Variants in GFRA1 observed in about 807,000 individuals in gnomAD.
GFRA1 encodes the protein GDNF family receptor alpha 1.
A neutral mutation model predicts 51.6 loss-of-function variants in GFRA1; 16 were observed. That is an observed-to-expected ratio of 0.31 (90% CI 0.21 to 0.47). The LOEUF (loss-of-function observed/expected upper bound fraction) is 0.47, where lower values mean the gene tolerates loss of function less well. GFRA1 is among the 20% of genes least tolerant of loss of function. The pLI is 1.00. For missense variants in GFRA1, 530 were observed against 594.3 expected, an observed-to-expected ratio of 0.89 and a Z score of 1.13; for synonymous variants, 270 against 241.3, an observed-to-expected ratio of 1.12 and a Z score of -1.10.
chr10:116,144,200 A>G (rs1189410763), intron 5 of GFRA1, among the ~76,000 whole-genome samples: 1 of 152,224 alleles, frequency 6.6e-6, no homozygotes, highest in African/African-American at 2.4e-5. Context: ...TAAGTTCATT[A>G]ATGAGATAGA....
At chr10:116,188,274 C>A (rs566590212) in intron 5 of GFRA1, among the ~76,000 whole-genome samples, 25 of 152,272 alleles carry the variant, frequency 1.6e-4, no homozygotes, top group African/African-American at 6.0e-4. Flanking sequence ...GGAATGAGGA[C>A]CTGCGTCCCT....
intron 6 of GFRA1, among the ~76,000 whole-genome samples, chr10:116,113,894 C>T (rs959212328): frequency 3.9e-5 from 6 of 152,206 alleles, no homozygotes; most frequent in South Asian, 2.1e-4. Flanking sequence ...ATGCCAAGTA[C>T]GTGTTGCTCG....
Position 116,236,165 on chromosome 10 carries a change from C to A in GFRA1, c.419-24520G>T, listed in dbSNP as rs139092641. On this transcript the variant is annotated intron_variant, in intron 4 of 10. Coordinates refer to ENST00000355422, the MANE Select transcript of GFRA1 (RefSeq NM_005264.8). The stretch of plus-strand genomic sequence containing the variant: ...ATAACCAACTGGCCCTGAACATGGA[C>A]AACCCCTAGTGCCCTCTGAGGATAA... Among the ~76,000 whole-genome samples, 456 of 152,274 alleles carry A rather than the reference C, an allele frequency of 3.0e-3. 1 individual carries two copies. Among genetic ancestry groups the A allele is most frequent in the Middle Eastern group, 6.8e-3 (2 of 294 alleles).
At chr10:116,217,653 G>C (rs1477100498) in intron 4 of GFRA1, among the ~76,000 whole-genome samples, 1 of 152,166 alleles carries the variant, frequency 6.6e-6, no homozygotes, top group Non-Finnish European at 1.5e-5. Flanking sequence ...TAGAAACAGG[G>C]TCATAAAAAC....
At chr10:116,128,643 G>A (rs925410787) in intron 5 of GFRA1, among the ~76,000 whole-genome samples, 4 of 148,490 alleles carry the variant, frequency 2.7e-5, no homozygotes, top group East Asian at 4.0e-4. Context: ...GGAGAATGGC[G>A]TGAACCTGGG....
At chr10:116,118,213 G>A (rs544084326) in intron 6 of GFRA1, among the ~76,000 whole-genome samples, 2 of 152,254 alleles carry the variant, frequency 1.3e-5, no homozygotes, top group African/African-American at 2.4e-5. Context: ...CCAAATTCCT[G>A]TCCTGTTCTT....
intron 9 of GFRA1, among the ~76,000 whole-genome samples, chr10:116,078,079 G>C (rs989944173): frequency 6.6e-5 from 10 of 152,166 alleles, no homozygotes; most frequent in Non-Finnish European, 1.0e-4. Context: ...TCAATCATAA[G>C]GCCTGGCCCC....
At position 116,096,688 on chromosome 10, in the gene GFRA1, C is replaced by T. The variant is rs772569674; in HGVS notation, c.847G>A (p.Ala283Thr). Reference sequence around the variant, plus strand: ...CCCGAGTAGGCGAGGAGGCAGTCAGCGTAGTTTTCCTTTAGACAGCTGCTG... The same window carrying T: ...CCCGAGTAGGCGAGGAGGCAGTCAGTGTAGTTTTCCTTTAGACAGCTGCTG... Reference protein sequence around the residue: ...SVSSCLKENYADCLLAYSGLI... With the variant: ...SVSSCLKENYTDCLLAYSGLI... The change falls in exon 7 of 11, where the codon GCT (alanine) becomes ACT (threonine). Residue 283 changes from alanine to threonine, a missense_variant. By Grantham distance (58) the Ala-to-Thr change is moderately conservative (BLOSUM62 0). Coordinates refer to ENST00000355422, the MANE Select transcript of GFRA1 (RefSeq NM_005264.8). The T allele has an allele frequency of 1.2e-5, 19 of 1,609,754 alleles. No homozygotes were observed. The highest frequency in any genetic ancestry group is 2.7e-5 in the African/African-American group (2 of 74,736).
At chr10:116,108,570 G>C (rs567260817) in intron 6 of GFRA1, among the ~76,000 whole-genome samples, 2 of 152,242 alleles carry the variant, frequency 1.3e-5, no homozygotes, top group African/African-American at 2.4e-5. Context: ...GGGCAAAGAA[G>C]CTGATTTCCA....
rs1174687953 is a variant in GFRA1, at chr10:116,125,508, G to A, written c.483C>T (p.Cys161=). 6.2e-7 allele frequency: 1 copy of A among 1,614,148 alleles called. No homozygotes were observed. Among genetic ancestry groups the A allele is most frequent in the East Asian group, 2.2e-5 (1 of 44,882 alleles). ...ACTTCTTGCAAATGTCGTCGAGGTT[G>A]CAGGCCTTCGCTGCATCCAGGCAGT... ...GNNCLDAAKA[C]NLDDICKKYR... Residue 161 remains cysteine, a synonymous_variant, in exon 6 of 11, where the codon TGC becomes TGT. Coordinates refer to ENST00000355422, the MANE Select transcript of GFRA1 (RefSeq NM_005264.8).
At position 116,078,854 on chromosome 10, in the gene GFRA1, G is replaced by A. The variant is rs76626741; in HGVS notation, c.1197+10887C>T. Among the ~76,000 whole-genome samples the A allele has an allele frequency of 5.6e-4, 86 of 152,216 alleles. 1 individual carries two copies. The East Asian group carries it at 0.014, about 25-fold the overall frequency. ...AAAAGGCCCAGGCAATGGTATCCACGTTGCTACCGTCATTTAGATTCTATG... is the reference window on the plus strand; with the variant it reads ...AAAAGGCCCAGGCAATGGTATCCACATTGCTACCGTCATTTAGATTCTATG... On this transcript the variant is annotated intron_variant, in intron 9 of 10. Transcript: ENST00000355422.
At chr10:116,242,538 G>C (rs1967482682) in intron 4 of GFRA1, among the ~76,000 whole-genome samples, 1 of 151,614 alleles carries the variant, frequency 6.6e-6, no homozygotes, top group African/African-American at 2.4e-5. Context: ...CTGGAGTGCA[G>C]TGGTGCGGTC....
At chr10:116,098,242 G>A (rs983663203) in intron 6 of GFRA1, among the ~76,000 whole-genome samples, 1 of 152,236 alleles carries the variant, frequency 6.6e-6, no homozygotes, top group Non-Finnish European at 1.5e-5. Flanking sequence ...ATGTGCCGAA[G>A]CTAAGTGCTT....
intron 3 of GFRA1, 120 bp downstream of exon 3, chr10:116,270,702 G>T (rs907633083): frequency 2.5e-6 from 2 of 801,428 alleles, no homozygotes; most frequent in Admixed American, 2.1e-5. Flanking sequence ...GCCAAGGAAA[G>T]GTCCTCACTC....
chr10:116,091,954 A>C lies in GFRA1; in HGVS notation c.1015+1748T>G, dbSNP rs569784402. ...AAGGTTATAAAGCAGGAACAACTTT[A>C]ATTTCCCTGTGAGGGAGAAGTTTTC... is the stretch of plus-strand genomic sequence containing the variant. On this transcript the variant is annotated intron_variant, in intron 8 of 10. Transcript: ENST00000355422. 2.0e-5 allele frequency among the ~76,000 whole-genome samples: 3 copies of C among 152,344 alleles called. No individual in the cohort carries two copies. The East Asian group carries it at 5.8e-4, about 29-fold the overall frequency.
intron 4 of GFRA1, among the ~76,000 whole-genome samples, chr10:116,216,301 G>C (rs1214496022): frequency 6.6e-6 from 1 of 152,152 alleles, no homozygotes; most frequent in Non-Finnish European, 1.5e-5. Context: ...TCTTGCGCCT[G>C]GGTTAGTAAT....
rs114530331 is a variant in GFRA1 at position 116,181,057 on chromosome 10, T to C, written c.433+30574A>G. On this transcript the variant is annotated intron_variant, in intron 5 of 10. Transcript: ENST00000355422. ...TAGAGAGTCAATTTTGATGACGCTC[T>C]TGAGGTGGATGACAATAATGAGCTT... 7.6e-3 allele frequency among the ~76,000 whole-genome samples: 1,161 copies of C among 152,330 alleles called. 11 individuals carry two copies. The highest frequency in any genetic ancestry group is 0.026 in the African/African-American group (1,079 of 41,576).
At chr10:116,140,874 C>T (rs1415803579) in intron 5 of GFRA1, among the ~76,000 whole-genome samples, 2 of 152,136 alleles carry the variant, frequency 1.3e-5, no homozygotes, top group African/African-American at 4.8e-5. Flanking sequence ...CTGAACACTG[C>T]AGAGGGGGAA....
chr10:116,244,192 G>C (rs1171330801), intron 4 of GFRA1, among the ~76,000 whole-genome samples: 1 of 149,944 alleles, frequency 6.7e-6, no homozygotes, highest in Non-Finnish European at 1.5e-5. Context: ...CGGATCTATT[G>C]ATCTATTACA....
Sources: gnomAD v4.1 joint callset for allele counts (sites outside exome capture counted in the v4.1 genomes callset) on GRCh38, gnomAD v4.1.1 for gene constraint, MANE v1.5 for transcripts, NCBI Gene and HGNC (gene_info 2026-07-23, HGNC 2026-07-21) for gene names.